CFAP70: variants seen among roughly 807,000 people sequenced by gnomAD.
CFAP70 encodes cilia- and flagella-associated protein 70.
CFAP70 carries 81 observed loss-of-function variants against 137.6 expected under a neutral mutation model. The ratio of observed to expected loss-of-function variants is 0.59; its 90% CI spans 0.49 to 0.71. The LOEUF is 0.71. Ranked by LOEUF, CFAP70 falls within the 30% of genes least tolerant of loss-of-function variation. The pLI, the probability that CFAP70 is intolerant of heterozygous loss-of-function variation, is 0.00. For missense variants in CFAP70, 976 were observed against 1,226.7 expected (o/e 0.80, Z 3.05); for synonymous variants, 382 against 423.6 (o/e 0.90, Z 1.20).
chr10:73,330,642 G>A (rs561594189), intron 8 of CFAP70, among the ~76,000 whole-genome samples: 51 of 151,956 alleles, frequency 3.4e-4, no homozygotes, highest in Non-Finnish European at 5.7e-4. Flanking sequence ...GCTATTTGCC[G>A]TACATCATGC....
chr10:73,341,440 C>T, exon 6 of CFAP70: 2 of 1,613,996 alleles, frequency 1.2e-6, no homozygotes, highest in East Asian at 4.5e-5. Flanking sequence ...TCATAGGGAC[C>T]ACCAACAATG....
intron 23 of CFAP70, among the ~76,000 whole-genome samples, chr10:73,273,571 A>C (rs1004055456): frequency 6.6e-6 from 1 of 152,202 alleles, no homozygotes; most frequent in Non-Finnish European, 1.5e-5. Context: ...CTCAGCAAAC[A>C]GCCTAAGACC....
At chr10:73,318,860 A>G (rs928721657) in intron 9 of CFAP70, among the ~76,000 whole-genome samples, 6 of 152,262 alleles carry the variant, frequency 3.9e-5, no homozygotes, top group Admixed American at 1.3e-4. Context: ...TGGAAAGGAT[A>G]TAAGTATTTC....
chr10:73,306,088 G>A (rs1294231963), intron 12 of CFAP70, among the ~76,000 whole-genome samples: 7 of 152,058 alleles, frequency 4.6e-5, no homozygotes, highest in East Asian at 1.9e-4. Context: ...TGATCAGGCA[G>A]AAGAAAGAAT....
At chr10:73,356,427 G>A (rs970340768) in intron 1 of CFAP70, among the ~76,000 whole-genome samples, 3 of 152,132 alleles carry the variant, frequency 2.0e-5, no homozygotes, top group African/African-American at 4.8e-5. Context: ...TCGACGGCTA[G>A]GCTCAAGCAA....
chr10:73,274,456 G>T (rs141997089), exon 23 of CFAP70: 7 of 1,613,296 alleles, frequency 4.3e-6, no homozygotes, highest in African/African-American at 1.3e-5. Context: ...AGATAGATGA[G>T]CCCCAGTCTC....
At chr10:73,283,112 C>T (rs374774397) in intron 19 of CFAP70, among the ~76,000 whole-genome samples, 57 of 152,092 alleles carry the variant, frequency 3.7e-4, no homozygotes, top group Non-Finnish European at 6.5e-4. Flanking sequence ...GGATTACAGG[C>T]GTGAGCCAAG....
chr10:73,304,809 G>A (rs11000594), intron 12 of CFAP70, among the ~76,000 whole-genome samples: 15,934 of 151,380 alleles, frequency 0.11, 1,204 homozygotes, highest in East Asian at 0.3. Context: ...AAAACGACCG[G>A]GCAGGTAACT....
rs143624991 is a variant in CFAP70 at position 73,335,488 on chromosome 10, T to C, written c.619A>G (p.Lys207Glu). 1.1e-5 allele frequency: 18 copies of C among 1,612,268 alleles called. No individual in the cohort carries two copies. The highest frequency in any genetic ancestry group is 2.7e-5 in the African/African-American group (2 of 74,856). Residue 207 changes from lysine (K) to glutamate (E), a missense_variant, in exon 7 of 27, where the codon AAA becomes GAA. Physicochemically the swap from Lys to Glu is moderately conservative, Grantham distance 56 (BLOSUM62 1). Coordinates refer to ENST00000310715, the Ensembl canonical transcript of CFAP70. ...CTTTCCAAGTCCCAAATAATCCTTTTCTTTATGCACTCTGCTTGATTCCTA... is the reference window on the plus strand; with the variant it reads ...CTTTCCAAGTCCCAAATAATCCTTTCCTTTATGCACTCTGCTTGATTCCTA...
At chr10:73,362,517 G>A (rs1346943381), upstream of CFAP70, among the ~76,000 whole-genome samples, 2 of 140,690 alleles carry the variant, frequency 1.4e-5, no homozygotes, top group Non-Finnish European at 1.5e-5. Flanking sequence ...ACTTCCTAGG[G>A]TTTTTGTTTT....
Position 73,277,363 on chromosome 10 carries a change from T to C in CFAP70, c.2399-2A>G. ...ATGAATCTTGACATTTTGATGCTTC[T>C]GAAAATATTACATTAAAAGGATTGA... On this transcript the variant is annotated splice_acceptor_variant, in intron 20 of 26. Transcript: ENST00000310715. LOFTEE classifies it high-confidence loss of function. The C allele has an allele frequency of 6.2e-7, 1 of 1,612,564 alleles. No individual in the cohort carries two copies. The highest frequency in any genetic ancestry group is 8.5e-7 in the Non-Finnish European group (1 of 1,179,420).
chr10:73,261,371 G>C (rs547172656), intron 25 of CFAP70, among the ~76,000 whole-genome samples: 206 of 152,194 alleles, frequency 1.4e-3, no homozygotes, highest in African/African-American at 4.6e-3. Context: ...CCAGAGACTG[G>C]GCAATTTACA....
chr10:73,297,039 T>C lies in CFAP70; in HGVS notation c.1644+3A>G, dbSNP rs1302676491. 1.2e-6 allele frequency: 2 copies of C among 1,612,482 alleles called. No homozygotes were observed. The highest frequency in any genetic ancestry group is 1.7e-6 in the Non-Finnish European group (2 of 1,179,262). On this transcript the variant is annotated splice_donor_region_variant and intron_variant, in intron 15 of 26. Transcript: ENST00000310715. ...GAAAGTGCTCTCAGTTCTTGACACTTACCTGGTTTAGGGCTACATGCATCT... is the reference window on the plus strand; with the variant it reads ...GAAAGTGCTCTCAGTTCTTGACACTCACCTGGTTTAGGGCTACATGCATCT...
At chr10:73,348,749 T>C (rs1183576718) in intron 3 of CFAP70, among the ~76,000 whole-genome samples, 1 of 152,164 alleles carries the variant, frequency 6.6e-6, no homozygotes, top group Non-Finnish European at 1.5e-5. Flanking sequence ...TAGATCATCA[T>C]CATGTACATG....
At chr10:73,351,156 T>C (rs1271989412) in intron 3 of CFAP70, among the ~76,000 whole-genome samples, 3 of 142,620 alleles carry the variant, frequency 2.1e-5, no homozygotes, top group African/African-American at 5.2e-5. Flanking sequence ...TCTTGCTTTG[T>C]CACCCAGGCT....
chr10:73,320,465 A>G (rs1400445621), intron 9 of CFAP70, among the ~76,000 whole-genome samples: 2 of 151,944 alleles, frequency 1.3e-5, no homozygotes, highest in East Asian at 3.9e-4. Context: ...CTGGGACTAC[A>G]GGAATGTGCC....
intron 15 of CFAP70, 123 bp from the exon 17 acceptor site, chr10:73,293,511 T>C: frequency 1.2e-6 from 1 of 816,354 alleles, no homozygotes; most frequent in South Asian, 2.6e-5. Flanking sequence ...TTGATGTCTA[T>C]AATGACAGTC....
chr10:73,286,652 G>A (rs377402701), intron 19 of CFAP70, among the ~76,000 whole-genome samples: 6 of 152,084 alleles, frequency 3.9e-5, no homozygotes, highest in Non-Finnish European at 7.4e-5. Context: ...AGGCCAGCTC[G>A]GTCATGGAGA....
At chr10:73,308,104 A>G (rs1244874928) in intron 12 of CFAP70, among the ~76,000 whole-genome samples, 1 of 151,536 alleles carries the variant, frequency 6.6e-6, no homozygotes, top group Non-Finnish European at 1.5e-5. Context: ...GCGGTGAGCC[A>G]AGATCATGCC....
Sources: gnomAD v4.1 joint callset for allele counts (sites outside exome capture counted in the v4.1 genomes callset) on GRCh38, gnomAD v4.1.1 for gene constraint, MANE v1.5 for transcripts, NCBI Gene and HGNC (gene_info 2026-07-23, HGNC 2026-07-21) for gene names.